Variants in TNK2 observed in about 807,000 individuals in gnomAD.
TNK2 encodes the protein activated CDC42 kinase 1.
A neutral mutation model predicts 101.8 loss-of-function variants in TNK2; 83 were observed. The observed-to-expected ratio is 0.82, with a 90% CI of 0.68 to 0.98. The LOEUF (loss-of-function observed/expected upper bound fraction) is 0.98, where lower values mean the gene tolerates loss of function less well. TNK2 is among the 50% of genes least tolerant of loss of function. The pLI, the probability that TNK2 is intolerant of heterozygous loss-of-function variation, is 0.00. For synonymous variants in TNK2, 804 were observed against 633.0 expected, an observed-to-expected ratio of 1.27 and a Z score of -4.06; for missense variants, 1,665 against 1,483.2, an observed-to-expected ratio of 1.12 and a Z score of -2.01.
At position 195,886,876 on chromosome 3, in the gene TNK2, T is replaced by C. The variant is rs1249968586; in HGVS notation, c.234+101A>G. The C allele has an allele frequency of 2.2e-6, 3 of 1,341,622 alleles. No individual in the cohort carries two copies. The highest frequency in any genetic ancestry group is 3.2e-6 in the Non-Finnish European group (3 of 933,218). The allele number at this position is 1,341,622 out of a possible 1,614,324, so 83.1% of individuals were successfully genotyped here. ...ACAAAGTGCCGGCAGAACGGCGAGA[T>C]TCGACCTGCCGGGGAGCTGGGGAAG... is the stretch of plus-strand genomic sequence containing the variant. On this transcript the variant is annotated intron_variant, in intron 3 of 15. Transcript: ENST00000672887. This position sits in a 1 kb window ranked among gnomAD's most constrained non-coding sequence, Gnocchi z 4.2.
At chr3:195,872,212 C>T (rs1745954004) in intron 10 of TNK2, 64 bp downstream of exon 10, 4 of 1,576,106 alleles carry the variant, frequency 2.5e-6, no homozygotes, top group South Asian at 2.3e-5. Context: ...CCACGCGTGC[C>T]GTGCTGAGGG....
In TNK2 at chr3:195,879,327, G is replaced by C. The variant is rs748359976; in HGVS notation, c.888-152C>G. On this transcript the variant is annotated intron_variant, in intron 6 of 15. Coordinates refer to ENST00000672887, the MANE Select transcript of TNK2 (RefSeq NM_001382273.1). ...CAGGGGCGCCGTGTGAAGCGGGCAG[G>C]ACCCCTTGACGACACGATGCAGGGA... 1.8e-5 allele frequency: 21 copies of C among 1,154,844 alleles called. No homozygotes were observed. The African/African-American group carries it at 3.1e-4, about 17-fold the overall frequency. The allele number at this position is 1,154,844 out of a possible 1,614,324, so 71.5% of individuals were successfully genotyped here.
intron 15 of TNK2, 34 bp downstream of exon 15, chr3:195,866,855 G>A: frequency 6.2e-7 from 1 of 1,600,424 alleles, no homozygotes. Flanking sequence ...CCCTCCTGGG[G>A]CACGGAGCGG....
Position 195,867,874 on chromosome 3 carries a change from G to A in TNK2, c.2424C>T (p.Ser808=). ...GGGAGCTGCCAGGTGGTACCAGGGG[G>A]CTGGGTGTCCTCGAGCCTTGAGGGG... The part of the protein sequence containing the change: ...PLSPQGSRTP[S]PLVPPGSSPL... Residue 808 remains serine, a synonymous_variant, in exon 13 of 16, where the codon AGC becomes AGT. Coordinates refer to ENST00000672887, the MANE Select transcript of TNK2 (RefSeq NM_001382273.1). 6.5e-7 allele frequency: 1 copy of A among 1,530,636 alleles called. No homozygotes were observed. The highest frequency in any genetic ancestry group is 8.7e-7 in the Non-Finnish European group (1 of 1,145,552). The allele number at this position is 1,530,636 out of a possible 1,614,324, so 94.8% of individuals were successfully genotyped here. A position where few individuals can be genotyped will look rare whatever the true frequency, so the allele number is the denominator to read the frequency against.
At chr3:195,870,864 T>C (rs1442522443) in intron 10 of TNK2, among the ~76,000 whole-genome samples, 1 of 151,656 alleles carries the variant, frequency 6.6e-6, no homozygotes, top group Non-Finnish European at 1.5e-5. Flanking sequence ...GCAAAACACA[T>C]GGGCTGAGCC....
chr3:195,869,323 G>C, intron 12 of TNK2, 174 bp downstream of exon 12: 1 of 692,868 alleles, frequency 1.4e-6, no homozygotes, highest in Non-Finnish European at 2.5e-6. Flanking sequence ...AGGCTCCGGG[G>C]GGCGGGCTCG....
chr3:195,906,898 G>A (rs1056349981), intron 1 of TNK2, among the ~76,000 whole-genome samples: 4 of 152,158 alleles, frequency 2.6e-5, no homozygotes, highest in Non-Finnish European at 5.9e-5. Flanking sequence ...GGGCTCCGGG[G>A]AGGTGGGCAC....
intron 1 of TNK2, chr3:195,894,369 G>A (rs1759763714): frequency 6.6e-6 from 1 of 152,254 alleles, no homozygotes; most frequent in Admixed American, 6.5e-5. Flanking sequence ...TCCAGCTGCG[G>A]GAAGAAGCAA....
At chr3:195,876,747 G>C (rs548658543) in intron 9 of TNK2, 1 of 426,264 alleles carries the variant, frequency 2.3e-6, no homozygotes, top group South Asian at 1.6e-5. Flanking sequence ...GGGGGCCTTC[G>C]ACGGAAGGGC....
chr3:195,892,090 G>A lies in TNK2; in HGVS notation c.-18-3484C>T, dbSNP rs1204870384. The A allele has an allele frequency of 3.7e-6, 3 of 805,814 alleles. No individual in the cohort carries two copies. The South Asian group carries it at 1.5e-4, about 41-fold the overall frequency. The allele number at this position is 805,814 out of a possible 1,614,324, so 49.9% of individuals were successfully genotyped here. On this transcript the variant is annotated intron_variant, in intron 1 of 15. Transcript: ENST00000672887. ...CCCTCTAAGTCCCCCTCCAGCCCAA[G>A]GTTCTTTGTGCAGCACAGGGCATGG...
At chr3:195,890,846 T>A (rs147494854) in intron 1 of TNK2, among the ~76,000 whole-genome samples, 19 of 152,364 alleles carry the variant, frequency 1.2e-4, no homozygotes, top group African/African-American at 3.6e-4. Flanking sequence ...AAAATGTCAG[T>A]GAAGGCAACC....
At chr3:195,876,445 C>G (rs1473472144) in intron 9 of TNK2, 1 of 456,816 alleles carries the variant, frequency 2.2e-6, no homozygotes, top group Non-Finnish European at 4.4e-6. Context: ...AAGACTCACA[C>G]AGAGCCATCC....
At chr3:195,892,568 G>GC (rs1759010590) in intron 1 of TNK2, 5 of 1,494,000 alleles carry the variant, frequency 3.3e-6, no homozygotes, top group Middle Eastern at 2.2e-4. Context: ...CTGCCCAGGA[G>GC]CCCCCCAAAT....
chr3:195,878,421 T>C lies in TNK2; in HGVS notation c.1161+25A>G, dbSNP rs776481583. ...AGCCCCTCAGCTTGAACACCCCAGC[T>C]CTCCTGGGCTGACCTGTCCCTCACC... is the stretch of plus-strand genomic sequence containing the variant. On this transcript the variant is annotated intron_variant, in intron 8 of 15. Coordinates refer to ENST00000672887, the MANE Select transcript of TNK2 (RefSeq NM_001382273.1). This position sits in a 1 kb window ranked among gnomAD's most constrained non-coding sequence, Gnocchi z 4.7. 1.2e-5 allele frequency: 20 copies of C among 1,611,980 alleles called. No individual in the cohort carries two copies. The highest frequency in any genetic ancestry group is 1.6e-4 in the Middle Eastern group (1 of 6,080).
chr3:195,895,396 G>A, intron 1 of TNK2: 2 of 1,533,936 alleles, frequency 1.3e-6, no homozygotes, highest in African/African-American at 1.4e-5. Flanking sequence ...CCTGCGTCCT[G>A]GGGGGCCGGG....
chr3:195,888,358 G>C lies in TNK2; in HGVS notation c.163+68C>G. ...AGTTCTCAGCTGCCACCCGTGCACCGAGTGGTCCTGAGGACAGAGGACGGA... is the reference window on the plus strand; with the variant it reads ...AGTTCTCAGCTGCCACCCGTGCACCCAGTGGTCCTGAGGACAGAGGACGGA... On this transcript the variant is annotated intron_variant, in intron 2 of 15. Transcript: ENST00000672887. This position sits in a 1 kb window ranked among gnomAD's most constrained non-coding sequence, Gnocchi z 5.3. 1.3e-6 allele frequency: 2 copies of C among 1,541,072 alleles called. No homozygotes were observed. Among genetic ancestry groups the C allele is most frequent in the Non-Finnish European group, 8.9e-7 (1 of 1,128,146 alleles).
Position 195,878,022 on chromosome 3 carries a change from AG to A in TNK2, c.1256+230del, listed in dbSNP as rs1750400149. 6.6e-6 allele frequency among the ~76,000 whole-genome samples: 1 copy of A among 152,094 alleles called. No individual in the cohort carries two copies. The highest frequency in any genetic ancestry group is 2.4e-5 in the African/African-American group (1 of 41,484). ...TAAAGGCAGCCTGGCCCAACCACAC[AG>A]CCAGGGCTGCAGCCCAGTGGGAAAG... is the stretch of plus-strand genomic sequence containing the variant. On this transcript the variant is annotated intron_variant, in intron 9 of 15. Transcript: ENST00000672887. This position sits in a 1 kb window ranked among gnomAD's most constrained non-coding sequence, Gnocchi z 4.7.
chr3:195,875,423 TC>T lies in TNK2; in HGVS notation c.1256+2829del, dbSNP rs1339576093. On this transcript the variant is annotated intron_variant, in intron 9 of 15. Coordinates refer to ENST00000672887, the MANE Select transcript of TNK2 (RefSeq NM_001382273.1). ...ACGCACGCTCCGAGGCACAAGAAGC[TC>T]CCCCTCGGGATGGCGCCCACGCACG... 1.3e-4 allele frequency among the ~76,000 whole-genome samples: 11 copies of T among 86,582 alleles called. 1 individual carries two copies. Among genetic ancestry groups the T allele is most frequent in the Admixed American group, 2.8e-4 (2 of 7,104 alleles). The allele number at this position is 86,582 out of a possible 152,430, so 56.8% of individuals were successfully genotyped here.
intron 12 of TNK2, 109 bp from the exon 13 acceptor site, chr3:195,868,818 C>T (rs927201414): frequency 2.7e-5 from 35 of 1,305,588 alleles, no homozygotes; most frequent in Non-Finnish European, 3.5e-5. Flanking sequence ...CAACCCTCCA[C>T]TCCCAACTCC....
Sources: allele counts gnomAD v4.1 joint callset (sites outside exome capture counted in the v4.1 genomes callset), GRCh38; gene constraint gnomAD v4.1.1; non-coding constraint Gnocchi (gnomAD v3.1); transcripts MANE v1.5; gene names NCBI Gene and HGNC (gene_info 2026-07-23, HGNC 2026-07-21).